ANKRD36B: variants seen among roughly 807,000 people sequenced by gnomAD.
ANKRD36B encodes the protein ankyrin repeat domain-containing protein 36B.
Under a neutral mutation model 135.7 loss-of-function variants are expected in ANKRD36B, and 37 were observed. The observed-to-expected ratio is 0.27, with a 90% CI of 0.21 to 0.36. The LOEUF (loss-of-function observed/expected upper bound fraction) is 0.36. ANKRD36B is among the 10% of genes least tolerant of loss of function. The pLI, the probability that ANKRD36B is intolerant of heterozygous loss-of-function variation, is 1.00. For synonymous variants in ANKRD36B, 179 were observed against 348.1 expected, an observed-to-expected ratio of 0.51 and a Z score of 5.41; for missense variants, 549 against 1,037.1, an observed-to-expected ratio of 0.53 and a Z score of 6.46.
At chr2:97,536,639 T>A (rs2078904896) in intron 32 of ANKRD36B, 143 bp from the exon 33 acceptor site, 1 of 406,776 alleles carries the variant, frequency 2.5e-6, no homozygotes. Context: ...TTTGGGACAG[T>A]AACATGATAG....
chr2:97,574,464 T>C (rs904400059), intron 6 of ANKRD36B, among the ~76,000 whole-genome samples: 4 of 152,160 alleles, frequency 2.6e-5, no homozygotes, highest in Admixed American at 2.0e-4. Flanking sequence ...GTTCAACCAT[T>C]GTGGAAGTCA....
chr2:97,575,753 G>A (rs2082189354), intron 6 of ANKRD36B, among the ~76,000 whole-genome samples: 2 of 151,860 alleles, frequency 1.3e-5, no homozygotes, highest in Admixed American at 6.6e-5. Context: ...ATGAGTAAAT[G>A]GAGTAAATTT....
At chr2:97,514,297 A>C (rs1053789434) in intron 37 of ANKRD36B, among the ~76,000 whole-genome samples, 1 of 106,220 alleles carries the variant, frequency 9.4e-6, no homozygotes, top group African/African-American at 5.7e-5. Context: ...AAATGTATTG[A>C]TAAAAGAACA....
Position 97,537,028 on chromosome 2 carries a change from T to C in ANKRD36B, c.2090-532A>G, listed in dbSNP as rs536789033. 1.4e-4 allele frequency among the ~76,000 whole-genome samples: 14 copies of C among 96,676 alleles called. 2 individuals are homozygous for C. In the East Asian group the frequency reaches 2.8e-3, roughly 19 times the overall value. The allele number at this position is 96,676 out of a possible 152,430, so 63.4% of individuals were successfully genotyped here. A position where few individuals can be genotyped will look rare whatever the true frequency, so the allele number is the denominator to read the frequency against. ...TGTCCTGAATTGATCTGCTTGGATA[T>C]ATGTTTGGTGAATCCTAGTAGTTAA... On this transcript the variant is annotated intron_variant, in intron 32 of 43. Coordinates refer to ENST00000359901, the MANE Select transcript of ANKRD36B (RefSeq NM_001393939.1).
intron 6 of ANKRD36B, among the ~76,000 whole-genome samples, chr2:97,568,693 C>T (rs914059142): frequency 1.3e-5 from 2 of 151,998 alleles, no homozygotes; most frequent in African/African-American, 4.8e-5. Context: ...TGGCAAGTTG[C>T]CAGGGAGTAC....
Position 97,587,541 on chromosome 2 carries a change from T to G in ANKRD36B, c.161+1984A>C, listed in dbSNP as rs191457929. Among the ~76,000 whole-genome samples, 286 of 152,316 alleles carry G rather than the reference T, an allele frequency of 1.9e-3. 2 individuals are homozygous for G. The highest frequency in any genetic ancestry group is 4.4e-3 in the Admixed American group (67 of 15,302). ...TCCCATCCTATGGATGCACTGAAAT[T>G]TATTGATAAATTTATAAAATTTATA... On this transcript the variant is annotated intron_variant, in intron 1 of 43. Transcript: ENST00000359901.
chr2:97,573,022 C>T (rs1351945714), intron 6 of ANKRD36B, among the ~76,000 whole-genome samples: 1 of 151,534 alleles, frequency 6.6e-6, no homozygotes, highest in Non-Finnish European at 1.5e-5. Context: ...ATTAACTCAT[C>T]ATTTAGCATT....
chr2:97,563,229 G>T (rs1007591985), intron 6 of ANKRD36B, among the ~76,000 whole-genome samples: 1 of 151,764 alleles, frequency 6.6e-6, no homozygotes, highest in African/African-American at 2.4e-5. Flanking sequence ...GAAATAACTT[G>T]TGAAGACTTG....
At chr2:97,579,506 G>C (rs1193467447) in intron 4 of ANKRD36B, among the ~76,000 whole-genome samples, 2 of 116,404 alleles carry the variant, frequency 1.7e-5, no homozygotes, top group African/African-American at 5.8e-5. Context: ...GCATGTGCTA[G>C]GCATTTAATT....
chr2:97,557,664 C>G (rs13034764), intron 10 of ANKRD36B, among the ~76,000 whole-genome samples: 84,326 of 151,452 alleles, frequency 0.56, 25,100 homozygotes, highest in Non-Finnish European at 0.67. Context: ...GCTTCAACAG[C>G]TTGGATATAG....
intron 6 of ANKRD36B, among the ~76,000 whole-genome samples, chr2:97,564,842 C>A (rs998047629): frequency 6.6e-6 from 1 of 152,080 alleles, no homozygotes; most frequent in African/African-American, 2.4e-5. Context: ...TTAGGATTGT[C>A]TTGGCTATAT....
chr2:97,551,533 T>A (rs544277156), intron 16 of ANKRD36B, 53 bp from the exon 17 acceptor site: 3 of 1,603,578 alleles, frequency 1.9e-6, no homozygotes, highest in East Asian at 2.2e-5. Context: ...GACAAAGTTA[T>A]CCATACATTC....
chr2:97,547,540 C>T lies in ANKRD36B; in HGVS notation c.1575G>A (p.Arg525=). The change falls in exon 22 of 44, where the codon AGG becomes AGA. Residue 525 remains arginine (R), a synonymous_variant. Coordinates refer to ENST00000359901, the MANE Select transcript of ANKRD36B (RefSeq NM_001393939.1). ...TAAATCTCTTTTCAAAATTACCTCT[C>T]CTAGTTTTTTCTCCATCTTTTTTTC... ...ARGKKDGEKT[R]RVSSHKQPSL... 1 of 1,542,008 alleles carries T rather than the reference C, an allele frequency of 6.5e-7. No individual in the cohort carries two copies. Among genetic ancestry groups the T allele is most frequent in the East Asian group, 2.3e-5 (1 of 43,456 alleles).
chr2:97,565,152 T>C (rs1431193158), intron 6 of ANKRD36B, among the ~76,000 whole-genome samples: 1 of 152,328 alleles, frequency 6.6e-6, no homozygotes, highest in East Asian at 1.9e-4. Flanking sequence ...ATTTCACTCA[T>C]GATTTAGCAC....
chr2:97,560,572 A>T, intron 8 of ANKRD36B, 93 bp downstream of exon 8: 1 of 1,543,088 alleles, frequency 6.5e-7, no homozygotes, highest in Non-Finnish European at 8.8e-7. Flanking sequence ...CAGAACGTGC[A>T]GCTTATATGA....
chr2:97,576,096 T>C (rs2082216198), intron 6 of ANKRD36B, among the ~76,000 whole-genome samples: 1 of 149,994 alleles, frequency 6.7e-6, no homozygotes, highest in Admixed American at 6.7e-5. Context: ...ATTAAAAAAA[T>C]ACAACATAAT....
intron 43 of ANKRD36B, among the ~76,000 whole-genome samples, chr2:97,506,676 C>T (rs1438407425): frequency 1.1e-5 from 1 of 93,624 alleles, no homozygotes; most frequent in East Asian, 2.3e-4. Flanking sequence ...GTCTCTTAGC[C>T]TTAAATCACT....
intron 24 of ANKRD36B, 106 bp downstream of exon 24, chr2:97,545,560 A>G (rs112192706): frequency 0.021 from 13,463 of 629,608 alleles, 3,912 homozygotes; most frequent in East Asian, 0.18. Flanking sequence ...CAGGAATACT[A>G]AATCAGAACA....
chr2:97,570,662 C>A (rs1285158301), intron 6 of ANKRD36B, among the ~76,000 whole-genome samples: 1 of 152,166 alleles, frequency 6.6e-6, no homozygotes, highest in Admixed American at 6.5e-5. Flanking sequence ...TTCAGCACAT[C>A]CTGGTAACTC....
Sources: allele counts gnomAD v4.1 joint callset (sites outside exome capture counted in the v4.1 genomes callset), GRCh38; gene constraint gnomAD v4.1.1; transcripts MANE v1.5; gene names NCBI Gene and HGNC (gene_info 2026-07-23, HGNC 2026-07-21).